The following DGKB variants were observed in gnomAD, a reference collection of about 807,000 sequenced individuals.
The protein encoded by DGKB is diacylglycerol kinase beta.
DGKB carries 67 observed loss-of-function variants against 114.3 expected under a neutral mutation model. The observed-to-expected ratio is 0.59, with a 90% CI of 0.48 to 0.72. The LOEUF is 0.72. DGKB is among the 30% of genes least tolerant of loss of function. DGKB has a pLI of 0.00. For missense variants in DGKB, 907 were observed against 975.2 expected (o/e 0.93, Z 0.93); for synonymous variants, 398 against 323.1 (o/e 1.23, Z -2.49).
intron 1 of DGKB, among the ~76,000 whole-genome samples, chr7:14,949,508 A>C (rs1295093543): frequency 1.3e-5 from 2 of 152,044 alleles, no homozygotes; most frequent in Non-Finnish European, 2.9e-5. Context: ...TGCTCAGAGA[A>C]ATGTGGTATC....
At chr7:14,277,334 G>C (rs750937695) in intron 23 of DGKB, among the ~76,000 whole-genome samples, 3 of 143,816 alleles carry the variant, frequency 2.1e-5, no homozygotes, top group African/African-American at 4.9e-5. Flanking sequence ...CCATGCCCAG[G>C]TAATTTTTTT....
chr7:14,166,924 G>A (rs1428574729), intron 25 of DGKB, among the ~76,000 whole-genome samples: 1 of 152,076 alleles, frequency 6.6e-6, no homozygotes, highest in Admixed American at 6.6e-5. Context: ...TCGTTAATCA[G>A]GCCAGACACA....
intron 5 of DGKB, among the ~76,000 whole-genome samples, chr7:14,729,289 AT>A (rs546413430): frequency 1.8e-4 from 24 of 130,446 alleles, no homozygotes; most frequent in Non-Finnish European, 3.8e-4. Context: ...CATCCGGCTA[AT>A]TTTTTGTATT....
chr7:14,385,741 T>C (rs781526053), intron 21 of DGKB, among the ~76,000 whole-genome samples: 12 of 152,252 alleles, frequency 7.9e-5, no homozygotes, highest in Non-Finnish European at 1.6e-4. Context: ...AATAAACTGG[T>C]GATATATGAA....
chr7:14,621,459 A>G lies in DGKB; in HGVS notation c.1203T>C (p.Gly401=). 1 of 1,610,382 alleles carries G rather than the reference A, an allele frequency of 6.2e-7. No homozygotes were observed. The highest frequency in any genetic ancestry group is 1.7e-5 in the Admixed American group (1 of 59,744). ...CAATCACTTTGTTTGGCTGCTGGGA[A>G]CCACTCTTTTCCTTTTTCACTGTTG... ...RQSTVKKEKS[G]SQQPNKVIDK... is the part of the protein sequence containing the mutation. The change falls in exon 15 of 26, where the codon GGT becomes GGC. Residue 401 remains glycine (G), a synonymous_variant. Transcript: ENST00000402815.
At chr7:14,482,757 G>A (rs1289013251) in intron 20 of DGKB, among the ~76,000 whole-genome samples, 1 of 152,048 alleles carries the variant, frequency 6.6e-6, no homozygotes, top group Non-Finnish European at 1.5e-5. Context: ...AATGTACTAT[G>A]CTCTCCTGAC....
intron 23 of DGKB, among the ~76,000 whole-genome samples, chr7:14,290,306 T>C (rs919779693): frequency 1.3e-5 from 2 of 152,156 alleles, no homozygotes; most frequent in Non-Finnish European, 2.9e-5. Context: ...AATGACTGAT[T>C]GAAATTTTTA....
chr7:14,818,492 T>C (rs752970438), intron 2 of DGKB, among the ~76,000 whole-genome samples: 5 of 152,174 alleles, frequency 3.3e-5, no homozygotes, highest in Non-Finnish European at 5.9e-5. Context: ...ACTATACTTC[T>C]GCAGGTACCC....
chr7:14,667,971 T>C (rs951412750), intron 13 of DGKB, among the ~76,000 whole-genome samples: 1 of 152,088 alleles, frequency 6.6e-6, no homozygotes. Flanking sequence ...TCAATTATCC[T>C]TGATTTCTAG....
At chr7:14,496,687 C>T (rs901926573) in intron 20 of DGKB, among the ~76,000 whole-genome samples, 7 of 151,706 alleles carry the variant, frequency 4.6e-5, no homozygotes, top group African/African-American at 1.7e-4. Flanking sequence ...ATTGGAAATG[C>T]ATCAGTGACA....
intron 21 of DGKB, among the ~76,000 whole-genome samples, chr7:14,393,466 C>G (rs1821746188): frequency 1.3e-5 from 2 of 152,108 alleles, no homozygotes; most frequent in Non-Finnish European, 2.9e-5. Flanking sequence ...GTTATTAATG[C>G]ATACTATGTA....
chr7:14,308,792 G>A (rs1024560918), intron 23 of DGKB, among the ~76,000 whole-genome samples: 1 of 152,128 alleles, frequency 6.6e-6, no homozygotes, highest in Non-Finnish European at 1.5e-5. Flanking sequence ...GATAGAATGA[G>A]GTCTCCTTTG....
chr7:14,448,903 C>A (rs553692070), intron 21 of DGKB, among the ~76,000 whole-genome samples: 5 of 151,950 alleles, frequency 3.3e-5, no homozygotes, highest in Non-Finnish European at 7.4e-5. Context: ...GTTCAAAGAA[C>A]TGGAAAGACT....
chr7:14,381,638 C>T (rs1819490183), intron 21 of DGKB, among the ~76,000 whole-genome samples: 1 of 152,094 alleles, frequency 6.6e-6, no homozygotes, highest in Non-Finnish European at 1.5e-5. Context: ...TTTAGAGATG[C>T]CCAGGCTGGA....
intron 2 of DGKB, among the ~76,000 whole-genome samples, chr7:14,824,209 C>A (rs1183456305): frequency 6.6e-6 from 1 of 152,194 alleles, no homozygotes; most frequent in Non-Finnish European, 1.5e-5. Context: ...AGCTACAATT[C>A]AAGATGAGAT....
intron 1 of DGKB, among the ~76,000 whole-genome samples, chr7:14,947,311 T>C (rs540862103): frequency 6.6e-5 from 10 of 151,806 alleles, no homozygotes; most frequent in East Asian, 5.8e-4. Flanking sequence ...CTTCTTTATA[T>C]AGAAATGGAA....
chr7:14,546,125 G>A (rs1330252172), intron 20 of DGKB, among the ~76,000 whole-genome samples: 2 of 152,030 alleles, frequency 1.3e-5, no homozygotes, highest in Admixed American at 1.3e-4. Flanking sequence ...CATCTTTGGA[G>A]GAAATATTAT....
chr7:14,179,531 A>G (rs2128247992), intron 23 of DGKB, among the ~76,000 whole-genome samples: 1 of 152,270 alleles, frequency 6.6e-6, no homozygotes, highest in South Asian at 2.1e-4. Flanking sequence ...TGTGTTTTGT[A>G]GGGAATCCAC....
rs976048573 is a variant in DGKB, at chr7:14,895,648, C to T, written c.-188+6944G>A. On this transcript the variant is annotated intron_variant, in intron 1 of 25. Transcript: ENST00000402815. ...TTTCCATCCATTCCTCTTCTTTCAC[C>T]GATCCTGGCAGAATGCTTGACACAG... Among the ~76,000 whole-genome samples, 3 of 151,522 alleles carry T rather than the reference C, an allele frequency of 2.0e-5. No individual in the cohort carries two copies. The East Asian group carries it at 5.8e-4, about 29-fold the overall frequency.
Sources: gnomAD v4.1 joint callset for allele counts (sites outside exome capture counted in the v4.1 genomes callset) on GRCh38, gnomAD v4.1.1 for gene constraint, MANE v1.5 for transcripts, NCBI Gene and HGNC (gene_info 2026-07-23, HGNC 2026-07-21) for gene names.